AFAP1L2: variants seen among roughly 807,000 people sequenced by gnomAD.
AFAP1L2 encodes the protein actin filament associated protein 1 like 2.
Under a neutral mutation model 99.3 loss-of-function variants are expected in AFAP1L2, and 46 were observed. The ratio of observed to expected loss-of-function variants is 0.46; its 90% CI spans 0.37 to 0.59. The LOEUF is 0.59. Ranked by LOEUF, AFAP1L2 falls within the 20% of genes least tolerant of loss-of-function variation. AFAP1L2 has a pLI of 0.00. For missense variants in AFAP1L2, 959 were observed against 1,034.9 expected (o/e 0.93, Z 1.01); for synonymous variants, 397 against 419.1 (o/e 0.95, Z 0.64).
chr10:114,320,076 C>T (rs924972519), intron 5 of AFAP1L2, among the ~76,000 whole-genome samples: 2 of 152,128 alleles, frequency 1.3e-5, no homozygotes, highest in Non-Finnish European at 1.5e-5. Flanking sequence ...CACTGAAATA[C>T]CCGAGTGAGA....
chr10:114,310,582 C>A, intron 7 of AFAP1L2, 139 bp from the exon 8 acceptor site: 1 of 716,464 alleles, frequency 1.4e-6, no homozygotes, highest in Non-Finnish European at 2.2e-6. Context: ...GGAAGAGGAC[C>A]CACCCGACCC....
the AFAP1L2 span, chr10:114,286,207 G>A: frequency 2.0e-5 from 32 of 1,613,812 alleles, no homozygotes; most frequent in Admixed American, 5.0e-5. Context: ...CCACCCTGAC[G>A]GGCAGTGCCT....
At chr10:114,329,829 C>T (rs1303883803) in intron 4 of AFAP1L2, among the ~76,000 whole-genome samples, 1 of 152,188 alleles carries the variant, frequency 6.6e-6, no homozygotes, top group African/African-American at 2.4e-5. Flanking sequence ...CAACAAAAAC[C>T]TGCATTTAAA....
chr10:114,300,190 G>A lies in AFAP1L2; in HGVS notation c.1957+4C>T. On this transcript the variant is annotated splice_donor_region_variant and intron_variant, in intron 15 of 18. Coordinates refer to ENST00000304129, the MANE Select transcript of AFAP1L2 (RefSeq NM_001001936.3). ...ATCGGGCTAACTTCCCCAAGCACAA[G>A]TACCTGCACTGGTCACGCGCAACCT... is the stretch of plus-strand genomic sequence containing the variant. The A allele has an allele frequency of 6.2e-7, 1 of 1,614,166 alleles. No individual in the cohort carries two copies. The highest frequency in any genetic ancestry group is 2.2e-5 in the East Asian group (1 of 44,874).
At chr10:114,290,433 A>G, downstream of AFAP1L2, 2 of 1,534,184 alleles carry the variant, frequency 1.3e-6, no homozygotes, top group Non-Finnish European at 8.8e-7. Context: ...AAGTCCCACA[A>G]ACTCAGCTGA....
intron 1 of AFAP1L2, among the ~76,000 whole-genome samples, chr10:114,366,404 G>A (rs964241943): frequency 6.6e-6 from 1 of 152,110 alleles, no homozygotes; most frequent in African/African-American, 2.4e-5. Flanking sequence ...GGACCCACTG[G>A]CTGTGACCAT....
intron 5 of AFAP1L2, chr10:114,319,609 C>T (rs1054880647): frequency 7.8e-7 from 1 of 1,289,640 alleles, no homozygotes; most frequent in African/African-American, 1.5e-5. Context: ...CTGCACCCAT[C>T]TGGGGACTCC....
intron 1 of AFAP1L2, among the ~76,000 whole-genome samples, chr10:114,348,506 A>G (rs2049949831): frequency 2.6e-5 from 4 of 152,196 alleles, no homozygotes; most frequent in Admixed American, 2.0e-4. Flanking sequence ...CTTGCTACAT[A>G]GCATTCCATC....
the AFAP1L2 span, chr10:114,286,013 G>C: frequency 6.2e-7 from 1 of 1,614,098 alleles, no homozygotes; most frequent in Non-Finnish European, 8.5e-7. Flanking sequence ...CACTCTGGAC[G>C]GCTTCCTGCG....
At chr10:114,384,926 A>C (rs1272382309) in intron 1 of AFAP1L2, among the ~76,000 whole-genome samples, 2 of 152,220 alleles carry the variant, frequency 1.3e-5, no homozygotes, top group Non-Finnish European at 2.9e-5. Flanking sequence ...GCAGATGCCC[A>C]CCTGTGTGCC....
At chr10:114,393,488 G>A (rs368585035) in intron 1 of AFAP1L2, 16 of 152,246 alleles carry the variant, frequency 1.1e-4, no homozygotes, top group South Asian at 4.2e-4. Context: ...TCTTACCTCC[G>A]GGTCAGAAAA....
At chr10:114,310,329 C>T (rs1379119864) in intron 8 of AFAP1L2, 25 bp downstream of exon 8, 20 of 1,588,168 alleles carry the variant, frequency 1.3e-5, no homozygotes, top group Middle Eastern at 1.7e-4. Context: ...AGGGGACTCT[C>T]CCTCCAGGCA....
Position 114,304,805 on chromosome 10 carries a change from C to T in AFAP1L2, c.1198G>A (p.Gly400Ser). 6.2e-7 allele frequency: 1 copy of T among 1,613,266 alleles called. No homozygotes were observed. Among genetic ancestry groups the T allele is most frequent in the Non-Finnish European group, 8.5e-7 (1 of 1,180,000 alleles). Residue 400 changes from glycine to serine, a missense_variant, in exon 11 of 19, where the codon GGC (glycine) becomes AGC (serine). This residue lies in a region of AFAP1L2 where 576 missense variants were observed against 562.1 expected (regional missense o/e 1.02). Coordinates refer to ENST00000304129, the MANE Select transcript of AFAP1L2 (RefSeq NM_001001936.3). ...CTGGGGTCTGGGACCACCTCGCAGCCCACCAGGCTGAGGGGTTGCTGGGCC... is the reference window on the plus strand; with the variant it reads ...CTGGGGTCTGGGACCACCTCGCAGCTCACCAGGCTGAGGGGTTGCTGGGCC... Reference protein sequence around the residue: ...KVAQQPLSLVGCEVVPDPSPD... With the variant: ...KVAQQPLSLVSCEVVPDPSPD...
the AFAP1L2 span, among the ~76,000 whole-genome samples, chr10:114,287,304 C>T: frequency 1.3e-5 from 2 of 152,148 alleles, no homozygotes; most frequent in African/African-American, 4.8e-5. Flanking sequence ...CCTCAGCCTC[C>T]AGAATAGCCA....
intron 16 of AFAP1L2, 152 bp from the exon 17 acceptor site, chr10:114,297,565 G>A (rs555694735): frequency 2.1e-4 from 175 of 824,096 alleles, no homozygotes; most frequent in South Asian, 1.4e-3. Flanking sequence ...CCTGTATGCC[G>A]GGGCAGCCTG....
At chr10:114,329,519 T>C (rs776077652) in intron 4 of AFAP1L2, among the ~76,000 whole-genome samples, 5 of 152,160 alleles carry the variant, frequency 3.3e-5, no homozygotes, top group Admixed American at 6.5e-5. Flanking sequence ...AAGCCCAAGA[T>C]ACCTTGGTCA....
chr10:114,337,634 AG>A lies in AFAP1L2; in HGVS notation c.145+2968del, dbSNP rs138379009. Among the ~76,000 whole-genome samples the A allele has an allele frequency of 8.7e-3, 1,321 of 152,322 alleles. 10 individuals carry two copies. Among genetic ancestry groups the A allele is most frequent in the Non-Finnish European group, 0.015 (1,006 of 68,012 alleles). On this transcript the variant is annotated intron_variant, in intron 2 of 18. Transcript: ENST00000304129. The stretch of plus-strand genomic sequence containing the variant: ...GGCCTGACTTTATAAGAGCCGATCA[AG>A]GGCAGAACAAAAAGGTCATCCTACA...
chr10:114,297,150 G>GGGCCC, intron 17 of AFAP1L2, 50 bp from the exon 18 acceptor site: 2 of 1,587,888 alleles, frequency 1.3e-6, no homozygotes, highest in Non-Finnish European at 1.7e-6. Context: ...AGGGAGATGT[G>GGGCCC]ACCCACCCAC....
intron 11 of AFAP1L2, among the ~76,000 whole-genome samples, chr10:114,304,190 G>A (rs1439598924): frequency 6.6e-6 from 1 of 152,228 alleles, no homozygotes; most frequent in African/African-American, 2.4e-5. Context: ...ACATTCACGG[G>A]CAAGTGTGTG....
Sources: allele counts gnomAD v4.1 joint callset (sites outside exome capture counted in the v4.1 genomes callset), GRCh38; gene constraint gnomAD v4.1.1; regional missense constraint gnomAD v4.1.1; transcripts MANE v1.5; gene names NCBI Gene and HGNC (gene_info 2026-07-23, HGNC 2026-07-21).